The following DCLK1 variants were observed in gnomAD, a reference collection of about 807,000 sequenced individuals.
DCLK1 encodes the protein serine/threonine-protein kinase DCLK1.
DCLK1 carries 16 observed loss-of-function variants against 86.2 expected under a neutral mutation model. That is an observed-to-expected ratio of 0.19 (90% CI 0.13 to 0.28). DCLK1 has a LOEUF of 0.28. Among genes scored for constraint, DCLK1 ranks in the 10% least tolerant of loss-of-function variants. The pLI is 1.00. For missense variants in DCLK1, 590 were observed against 940.2 expected, an observed-to-expected ratio of 0.63 and a Z score of 4.87; for synonymous variants, 369 against 370.5, an observed-to-expected ratio of 1.00 and a Z score of 0.05.
At chr13:36,024,736 G>A (rs766001375) in intron 3 of DCLK1, among the ~76,000 whole-genome samples, 1 of 151,624 alleles carries the variant, frequency 6.6e-6, no homozygotes, top group South Asian at 2.1e-4. Flanking sequence ...ATTACAAACT[G>A]ATCTAAAATT....
At chr13:35,851,804 G>T (rs1480110677) in intron 6 of DCLK1, among the ~76,000 whole-genome samples, 5 of 152,316 alleles carry the variant, frequency 3.3e-5, no homozygotes, top group Middle Eastern at 3.4e-3. Context: ...AATGTCAAAA[G>T]AGGTAACATA....
At chr13:36,097,439 T>A (rs1332585228) in intron 3 of DCLK1, among the ~76,000 whole-genome samples, 1 of 152,238 alleles carries the variant, frequency 6.6e-6, no homozygotes, top group African/African-American at 2.4e-5. Flanking sequence ...TTTTGCGATA[T>A]TCACACTCTA....
rs1376151056 is a variant in DCLK1 at position 36,126,070 on chromosome 13, C to T, written c.68G>A (p.Arg23Gln). The change falls in exon 2 of 17, where the codon CGA becomes CAA. Residue 23 changes from arginine (R) to glutamine (Q), a missense_variant. By Grantham distance (43) the Arg-to-Gln change is conservative. Coordinates refer to ENST00000360631, the MANE Select transcript of DCLK1 (RefSeq NM_001330071.2). ...CGGCAGGCCGTTCACCCGCGACCCT[C>T]GGCTGTATCTCTGCGCCTTATCCCG... ...DERDKAQRYS[R>Q]GSRVNGLPSP... 6 of 1,612,648 alleles carry T rather than the reference C, an allele frequency of 3.7e-6. No homozygotes were observed. The highest frequency in any genetic ancestry group is 5.1e-6 in the Non-Finnish European group (6 of 1,179,954).
chr13:36,084,821 C>G (rs778108137), intron 3 of DCLK1, among the ~76,000 whole-genome samples: 2 of 152,124 alleles, frequency 1.3e-5, no homozygotes, highest in South Asian at 4.1e-4. Context: ...CCCATTTTAG[C>G]TTTTTAACTT....
intron 4 of DCLK1, among the ~76,000 whole-genome samples, chr13:35,876,302 A>G (rs532136598): frequency 1.6e-4 from 25 of 152,332 alleles, no homozygotes; most frequent in Non-Finnish European, 2.6e-4. Flanking sequence ...TTCATGAGTC[A>G]TATTGTGGAT....
intron 3 of DCLK1, among the ~76,000 whole-genome samples, chr13:35,980,831 T>G (rs1238376754): frequency 6.6e-6 from 1 of 152,114 alleles, no homozygotes; most frequent in Non-Finnish European, 1.5e-5. Flanking sequence ...TTTAATGTAA[T>G]TTTTTGTTTA....
intron 3 of DCLK1, among the ~76,000 whole-genome samples, chr13:36,081,824 C>A (rs1356744893): frequency 6.6e-6 from 1 of 152,204 alleles, no homozygotes; most frequent in Admixed American, 6.5e-5. Flanking sequence ...CCGATTTACA[C>A]AGCCATTCTT....
intron 4 of DCLK1, among the ~76,000 whole-genome samples, chr13:35,911,545 C>G (rs998740268): frequency 5.9e-5 from 9 of 152,006 alleles, no homozygotes; most frequent in Non-Finnish European, 8.8e-5. Flanking sequence ...TGGTCTAGAC[C>G]CTAGGATGTC....
chr13:36,095,339 G>A (rs1014573421), intron 3 of DCLK1, among the ~76,000 whole-genome samples: 9 of 151,988 alleles, frequency 5.9e-5, no homozygotes, highest in African/African-American at 1.9e-4. Context: ...CTGAGTAGCT[G>A]GGACTATAGG....
At chr13:36,094,755 G>A (rs1884946541) in intron 3 of DCLK1, among the ~76,000 whole-genome samples, 2 of 152,210 alleles carry the variant, frequency 1.3e-5, no homozygotes, top group African/African-American at 4.8e-5. Context: ...GAGCCCTGGA[G>A]AGCATCTGCT....
At chr13:36,059,015 T>A (rs2153158822) in intron 3 of DCLK1, among the ~76,000 whole-genome samples, 1 of 152,300 alleles carries the variant, frequency 6.6e-6, no homozygotes, top group African/African-American at 2.4e-5. Context: ...TCTTAAAAAA[T>A]TCCACCTGCA....
At chr13:35,897,907 C>T (rs920904544) in intron 4 of DCLK1, among the ~76,000 whole-genome samples, 6 of 152,148 alleles carry the variant, frequency 3.9e-5, no homozygotes, top group African/African-American at 1.4e-4. Context: ...TCATCTTAAA[C>T]TCTGCGTTTA....
chr13:35,999,742 A>G (rs1880630786), intron 3 of DCLK1, among the ~76,000 whole-genome samples: 1 of 152,202 alleles, frequency 6.6e-6, no homozygotes, highest in Non-Finnish European at 1.5e-5. Flanking sequence ...CTGATGTCTT[A>G]TTATGCCCTA....
rs557732546 is a variant in DCLK1 at position 35,937,484 on chromosome 13, T to C, written c.823+9874A>G. The stretch of plus-strand genomic sequence containing the variant: ...TCAACCCTCCCCTTGTCCTGCAGAG[T>C]AGGGGACTCACCACATGCTACATTG... On this transcript the variant is annotated intron_variant, in intron 4 of 16. Transcript: ENST00000360631. Among the ~76,000 whole-genome samples the C allele has an allele frequency of 5.9e-5, 9 of 151,976 alleles. No homozygotes were observed. In the South Asian group the frequency reaches 6.2e-4, roughly 11 times the overall value.
At chr13:35,930,270 G>A (rs1325645638) in intron 4 of DCLK1, among the ~76,000 whole-genome samples, 1 of 152,188 alleles carries the variant, frequency 6.6e-6, no homozygotes, top group Admixed American at 6.5e-5. Context: ...TTTGGTGTGG[G>A]AAAACAAATG....
At chr13:36,050,893 C>G (rs1489980164) in intron 3 of DCLK1, among the ~76,000 whole-genome samples, 2 of 152,082 alleles carry the variant, frequency 1.3e-5, no homozygotes, top group African/African-American at 4.8e-5. Flanking sequence ...GTTCAGAAAC[C>G]AGTCAGGAAT....
intron 5 of DCLK1, among the ~76,000 whole-genome samples, chr13:35,867,227 A>G (rs549112820): frequency 2.0e-5 from 3 of 152,346 alleles, no homozygotes; most frequent in Admixed American, 2.0e-4. Context: ...TAATCAGAAA[A>G]TGATTGCATG....
intron 15 of DCLK1, among the ~76,000 whole-genome samples, chr13:35,799,794 T>C (rs1453403557): frequency 1.3e-5 from 2 of 152,174 alleles, no homozygotes; most frequent in Non-Finnish European, 2.9e-5. Context: ...ATCATGAACC[T>C]ACATTTTCTA....
intron 4 of DCLK1, among the ~76,000 whole-genome samples, chr13:35,887,320 T>G (rs778259076): frequency 6.6e-6 from 1 of 152,214 alleles, no homozygotes; most frequent in Non-Finnish European, 1.5e-5. Context: ...AGTGTTAGGC[T>G]GGACTTGCAT....
Sources: allele counts gnomAD v4.1 joint callset (sites outside exome capture counted in the v4.1 genomes callset), GRCh38; gene constraint gnomAD v4.1.1; transcripts MANE v1.5; gene names NCBI Gene and HGNC (gene_info 2026-07-23, HGNC 2026-07-21).